Variants in GRM4 observed in about 807,000 individuals in gnomAD.
GRM4 encodes glutamate metabotropic receptor 4.
In GRM4, 28 loss-of-function variants were observed where a neutral mutation model predicts 81.7. The observed-to-expected ratio is 0.34, with a 90% CI of 0.25 to 0.47. The LOEUF (loss-of-function observed/expected upper bound fraction) is 0.47, where lower values mean the gene tolerates loss of function less well. Among genes scored for constraint, GRM4 ranks in the 20% least tolerant of loss-of-function variants. GRM4 has a pLI of 1.00. For missense variants in GRM4, 948 were observed against 1,290.0 expected (o/e 0.73, Z 4.06); for synonymous variants, 488 against 528.8 (o/e 0.92, Z 1.06).
intron 1 of GRM4, among the ~76,000 whole-genome samples, chr6:34,145,278 G>A (rs1770880369): frequency 6.6e-6 from 1 of 151,802 alleles, no homozygotes; most frequent in Admixed American, 6.6e-5. Flanking sequence ...GCAGGGATGA[G>A]CTGGCGGCCG....
In GRM4 at chr6:34,154,590, TACACAC is replaced by T. The variant is rs57603011; in HGVS notation, c.312+483_312+488del. Among the ~76,000 whole-genome samples the T allele has an allele frequency of 1.1e-3, 158 of 145,096 alleles. 1 individual carries two copies. Among genetic ancestry groups the T allele is most frequent in the Middle Eastern group, 7.0e-3 (2 of 284 alleles). ...GGTTAGATGGACGGATGGTCCTGACTACACACACACACACACACACACACACACACA... is the reference window on the plus strand; with the variant it reads ...GGTTAGATGGACGGATGGTCCTGACTACACACACACACACACACACACACA... On this transcript the variant is annotated intron_variant, in intron 1 of 8. Transcript: ENST00000374177.
At chr6:34,149,483 C>G (rs1462411409), upstream of GRM4, among the ~76,000 whole-genome samples, 3 of 152,216 alleles carry the variant, frequency 2.0e-5, no homozygotes, top group Non-Finnish European at 2.9e-5. Context: ...CTCCAGGGAG[C>G]CGTAAGTCAC....
chr6:34,075,735 G>A (rs1347944445), intron 3 of GRM4, among the ~76,000 whole-genome samples: 1 of 152,212 alleles, frequency 6.6e-6, no homozygotes, highest in Non-Finnish European at 1.5e-5. Context: ...AAGGTGCTTA[G>A]AACAGTTCCT....
intron 2 of GRM4, among the ~76,000 whole-genome samples, chr6:34,106,928 T>A (rs577729947): frequency 6.6e-6 from 1 of 152,378 alleles, no homozygotes; most frequent in South Asian, 2.1e-4. Context: ...GGAAACTTTC[T>A]CCTTCCAAAG....
At chr6:34,031,935 C>T (rs1449738094) in intron 9 of GRM4, among the ~76,000 whole-genome samples, 1 of 151,992 alleles carries the variant, frequency 6.6e-6, no homozygotes, top group Non-Finnish European at 1.5e-5. Flanking sequence ...TGCACATTTG[C>T]ATCTGACTCA....
chr6:34,128,506 T>A lies in GRM4; in HGVS notation c.519+4472A>T, dbSNP rs1475434484. Among the ~76,000 whole-genome samples the A allele has an allele frequency of 2.0e-5, 3 of 151,820 alleles. No homozygotes were observed. The East Asian group carries it at 5.8e-4, about 29-fold the overall frequency. ...GATTCATCTGCCTCAGCCTCCCAAG[T>A]AGCTGGGATTACAGGTAACTGCCAC... On this transcript the variant is annotated intron_variant, in intron 2 of 10. Transcript: ENST00000538487.
rs182445314 is a variant in GRM4, at chr6:34,107,297, G to C, written c.520-15198C>G. ...TCCACTCCCTCTAGCCCCTGGCAAG[G>C]GGGGAGAGGCGATATGGCTCCACCC... On this transcript the variant is annotated intron_variant, in intron 2 of 10. Transcript: ENST00000538487. 3.0e-3 allele frequency among the ~76,000 whole-genome samples: 454 copies of C among 152,250 alleles called. 2 individuals carry two copies. Among genetic ancestry groups the C allele is most frequent in the South Asian group, 0.011 (52 of 4,822 alleles).
At chr6:34,140,733 C>T (rs537908848) in intron 1 of GRM4, among the ~76,000 whole-genome samples, 4 of 152,354 alleles carry the variant, frequency 2.6e-5, no homozygotes, top group African/African-American at 7.2e-5. Flanking sequence ...TTTTCCAGCA[C>T]AAGACCCAAG....
At chr6:34,154,924 C>T (rs1231521039) in intron 1 of GRM4, among the ~76,000 whole-genome samples, 1 of 152,198 alleles carries the variant, frequency 6.6e-6, no homozygotes, top group African/African-American at 2.4e-5. Context: ...GGGCCAGCAC[C>T]GCCGCCCGGT....
chr6:34,155,081 G>A lies in GRM4; in HGVS notation c.310C>T (p.Gln104Ter), dbSNP rs1561842239. 2 of 1,516,946 alleles carry A rather than the reference G, an allele frequency of 1.3e-6. No homozygotes were observed. The highest frequency in any genetic ancestry group is 1.8e-6 in the Non-Finnish European group (2 of 1,135,206). The allele number at this position is 1,516,946 out of a possible 1,614,324, so 94.0% of individuals were successfully genotyped here. A position where few individuals can be genotyped will look rare whatever the true frequency, so the allele number is the denominator to read the frequency against. Reference sequence around the variant, plus strand: ...GGATTGAGAGGCTTGTTTTTCACCTGAGCAGATTCCGGAAGGAGGCAGCGG... The same window carrying A: ...GGATTGAGAGGCTTGTTTTTCACCTAAGCAGATTCCGGAAGGAGGCAGCGG... The change falls in exon 1 of 9, where the codon CAG becomes TAG. Residue 104 changes from glutamine (Q) to a stop codon, truncating the protein, a stop_gained and splice_region_variant. Coordinates refer to the GRM4 transcript ENST00000374177. LOFTEE classifies it high-confidence loss of function.
intron 2 of GRM4, among the ~76,000 whole-genome samples, chr6:34,105,707 C>T (rs964200006): frequency 2.0e-5 from 3 of 152,168 alleles, no homozygotes; most frequent in Admixed American, 1.3e-4. Flanking sequence ...TCCAGGCTCC[C>T]ATCCAGCTGC....
intron 2 of GRM4, among the ~76,000 whole-genome samples, chr6:34,099,221 G>T (rs1011404367): frequency 6.6e-5 from 10 of 152,176 alleles, no homozygotes; most frequent in Non-Finnish European, 1.5e-4. Context: ...CCCAGGCCCC[G>T]CCAAGGAGAG....
intron 2 of GRM4, among the ~76,000 whole-genome samples, chr6:34,108,866 G>A (rs76787866): frequency 7.8e-4 from 119 of 151,970 alleles, no homozygotes; most frequent in African/African-American, 2.7e-3. Context: ...CTCACCTCCC[G>A]TCCTGTACCG....
chr6:34,151,906 T>G (rs1771054414), intron 1 of GRM4, among the ~76,000 whole-genome samples: 1 of 152,072 alleles, frequency 6.6e-6, no homozygotes, highest in Non-Finnish European at 1.5e-5. Flanking sequence ...CTGCCAAATG[T>G]GAGTCCCAAT....
chr6:34,024,676 T>C lies in GRM4; in HGVS notation c.2690-1806A>G, dbSNP rs147869404. On this transcript the variant is annotated intron_variant, in intron 10 of 10. Coordinates refer to ENST00000538487, the MANE Select transcript of GRM4 (RefSeq NM_000841.4). The stretch of plus-strand genomic sequence containing the variant: ...CTCAGTTAAAGGAAGAATTTTCTCC[T>C]GGCCAGAGTTGGGTGGAGTCAGTGG... 2,672 of 455,914 alleles carry C rather than the reference T, an allele frequency of 5.9e-3. 56 individuals are homozygous for C. The highest frequency in any genetic ancestry group is 0.041 in the African/African-American group (2,041 of 50,144). The allele number at this position is 455,914 out of a possible 1,614,324, so 28.2% of individuals were successfully genotyped here. A position where few individuals can be genotyped will look rare whatever the true frequency, so the allele number is the denominator to read the frequency against.
intron 1 of GRM4, among the ~76,000 whole-genome samples, chr6:34,140,484 C>A (rs957395425): frequency 6.6e-6 from 1 of 152,276 alleles, no homozygotes; most frequent in Non-Finnish European, 1.5e-5. Flanking sequence ...AGGACAGCCA[C>A]GTGCAAAGGC....
intron 3 of GRM4, among the ~76,000 whole-genome samples, chr6:34,081,870 C>G (rs1202383696): frequency 6.6e-6 from 1 of 152,180 alleles, no homozygotes; most frequent in Non-Finnish European, 1.5e-5. Flanking sequence ...GAACCCCACC[C>G]CAGCCAGGAA....
Position 34,042,707 on chromosome 6 carries a change from T to G in GRM4, c.1169-1959A>C, listed in dbSNP as rs1484253650. Among the ~76,000 whole-genome samples the G allele has an allele frequency of 1.3e-5, 2 of 152,078 alleles. No homozygotes were observed. Among genetic ancestry groups the G allele is most frequent in the Non-Finnish European group, 2.9e-5 (2 of 67,996 alleles). The stretch of plus-strand genomic sequence containing the variant: ...CCCCATAGGCCAGGGTTAAGCTGGG[T>G]CCACATGAGGCAGTGATTCCCCGGG... On this transcript the variant is annotated intron_variant, in intron 6 of 10. Transcript: ENST00000538487. This position sits in a 1 kb window ranked among gnomAD's most constrained non-coding sequence, Gnocchi z 4.2.
At chr6:34,077,710 C>A (rs1386385263) in intron 3 of GRM4, among the ~76,000 whole-genome samples, 1 of 152,142 alleles carries the variant, frequency 6.6e-6, no homozygotes, top group Admixed American at 6.5e-5. Context: ...TAGTCAGACT[C>A]TTTGCTCTGC....
Sources: allele counts gnomAD v4.1 joint callset (sites outside exome capture counted in the v4.1 genomes callset), GRCh38; gene constraint gnomAD v4.1.1; non-coding constraint Gnocchi (gnomAD v3.1); transcripts MANE v1.5; gene names NCBI Gene and HGNC (gene_info 2026-07-23, HGNC 2026-07-21).